The following AHNAK variants were observed in gnomAD, a reference collection of about 807,000 sequenced individuals.
AHNAK encodes the protein AHNAK nucleoprotein, also known as neuroblast differentiation-associated protein AHNAK.
A neutral mutation model predicts 37.8 loss-of-function variants in AHNAK; 23 were observed. The ratio of observed to expected loss-of-function variants is 0.61; its 90% confidence interval spans 0.44 to 0.86. AHNAK has a LOEUF of 0.86. Ranked by LOEUF, AHNAK falls within the 40% of genes least tolerant of loss-of-function variation. The probability of loss-of-function intolerance (pLI) is 0.00; values close to 1 mark genes in which losing one functional copy is unlikely to be tolerated. For missense variants in AHNAK, 7,411 were observed against 7,319.4 expected (o/e 1.01, Z -0.46); for synonymous variants, 2,481 against 2,636.3 (o/e 0.94, Z 1.80).
At chr11:62,443,289 T>TTTTTTTTTTTG (rs1938351317) in intron 5 of AHNAK, among the ~76,000 whole-genome samples, 1 of 145,320 alleles carries the variant, frequency 6.9e-6, no homozygotes, top group Non-Finnish European at 1.5e-5. Flanking sequence ...TTTTTTTTTT[T>TTTTTTTTTTTG]GAGACAGAGT....
intron 5 of AHNAK, among the ~76,000 whole-genome samples, chr11:62,443,336 G>A (rs1039305087): frequency 1.2e-4 from 17 of 138,120 alleles, no homozygotes; most frequent in Admixed American, 4.1e-4. Flanking sequence ...GCAATGGTGC[G>A]ATCTCAGCTC....
rs1565221689 is a variant in AHNAK at position 62,517,052 on chromosome 11, A to G, written c.17365T>C (p.Phe5789Leu). 6.2e-7 allele frequency: 1 copy of G among 1,613,846 alleles called. No homozygotes were observed. The highest frequency in any genetic ancestry group is 2.2e-5 in the East Asian group (1 of 44,850). The change falls in exon 5 of 5, where the codon TTC becomes CTC. Residue 5789 changes from phenylalanine to leucine, a missense_variant. By Grantham distance (22) the Phe-to-Leu change is conservative. Transcript: ENST00000378024. ...RSNSFSDERE[F>L]SGPSTPTGTL... ...CCCGTCGGGGTGGAAGGTCCAGAGA[A>G]CTCTCTTTCATCACTGAATGAATTT...
rs374255609 is a variant in AHNAK at position 62,532,042 on chromosome 11, A to G, written c.2375T>C (p.Val792Ala). Residue 792 changes from valine to alanine, a missense_variant, in exon 5 of 5, where the codon GTG becomes GCG. Transcript: ENST00000378024. The stretch of plus-strand genomic sequence containing the variant: ...TTTCCCTTCTGGTTCCTCAATGCTC[A>G]CATCAGGAGCAGTAACATCTATCTT... ...GPKIDVTAPDVSIEEPEGKLK... is the reference protein window; with the variant it reads ...GPKIDVTAPDASIEEPEGKLK... 56 of 1,613,260 alleles carry G rather than the reference A, an allele frequency of 3.5e-5. No homozygotes were observed. Among genetic ancestry groups the G allele is most frequent in the Non-Finnish European group, 4.5e-5 (53 of 1,179,880 alleles).
At chr11:62,449,071 GATA>G (rs1256497550) in intron 5 of AHNAK, among the ~76,000 whole-genome samples, 2 of 151,716 alleles carry the variant, frequency 1.3e-5, no homozygotes, top group African/African-American at 2.4e-5. Context: ...CTGTCTCAAA[GATA>G]ATAATAATAA....
intron 5 of AHNAK, among the ~76,000 whole-genome samples, chr11:62,489,448 G>A (rs1401754757): frequency 6.6e-6 from 1 of 152,092 alleles, no homozygotes; most frequent in Non-Finnish European, 1.5e-5. Flanking sequence ...AAGGAGGGGA[G>A]TAACATGATT....
intron 5 of AHNAK, among the ~76,000 whole-genome samples, chr11:62,456,580 T>C (rs920764087): frequency 1.2e-4 from 18 of 152,008 alleles, no homozygotes; most frequent in African/African-American, 1.4e-4. Context: ...TGGTGGACAC[T>C]CCCTGGCCAG....
At chr11:62,465,544 C>T (rs1400083511) in intron 5 of AHNAK, among the ~76,000 whole-genome samples, 3 of 151,826 alleles carry the variant, frequency 2.0e-5, no homozygotes, top group Non-Finnish European at 4.4e-5. Flanking sequence ...ACCCAGGAGG[C>T]GGAGGTTGCA....
Position 62,522,412 on chromosome 11 carries a change from G to T in AHNAK, c.12005C>A (p.Ser4002Tyr). The T allele has an allele frequency of 3.7e-6, 6 of 1,614,100 alleles. No individual in the cohort carries two copies. Among genetic ancestry groups the T allele is most frequent in the Non-Finnish European group, 5.1e-6 (6 of 1,180,018 alleles). The change falls in exon 5 of 5, where the codon TCC becomes TAC. Residue 4002 changes from serine (S) to tyrosine (Y), a missense_variant. Physicochemically the swap from Ser to Tyr is moderately radical, Grantham distance 144. Coordinates refer to ENST00000378024, the MANE Select transcript of AHNAK (RefSeq NM_001620.3). ...CAGATGCAAATCAAAGTCAGGCATG[G>T]AGATCTTGGGGGCTTTGATGTTCAT... ...PEMNIKAPKI[S>Y]MPDFDLHLKG...
chr11:62,523,581 C>A lies in AHNAK; in HGVS notation c.10836G>T (p.Met3612Ile), dbSNP rs374262358. The A allele has an allele frequency of 1.5e-4, 247 of 1,614,144 alleles. 1 individual carries two copies. In the South Asian group the frequency reaches 2.6e-3, roughly 17 times the overall value. The part of the protein sequence containing the change: ...MPKVKMPKFS[M>I]PGFKGEGPEV... ...CAGGGCCTTCTCCTTTGAAGCCAGG[C>A]ATGCTGAACTTGGGCATTTTCACTT... The change falls in exon 5 of 5, where the codon ATG becomes ATT. Residue 3612 changes from methionine (M) to isoleucine (I), a missense_variant. Physicochemically the swap from Met to Ile is conservative, Grantham distance 10. Coordinates refer to ENST00000378024, the MANE Select transcript of AHNAK (RefSeq NM_001620.3).
Position 62,516,777 on chromosome 11 carries a change from C to T in AHNAK, c.17640G>A (p.Glu5880=), listed in dbSNP as rs764185252. Residue 5880 remains glutamate (E), a synonymous_variant, in exon 5 of 5, where the codon GAG becomes GAA. Transcript: ENST00000378024. Reference sequence around the variant, plus strand: ...TCTTTGTGGAAACTGACAGCTCCACCTCGGGAAGCTGGATGCCAACCTTAT... The same window carrying T: ...TCTTTGTGGAAACTGACAGCTCCACTTCGGGAAGCTGGATGCCAACCTTAT... ...SGNKVGIQLP[E]VELSVSTKKE 8 of 1,613,246 alleles carry T rather than the reference C, an allele frequency of 5.0e-6. No homozygotes were observed. The African/African-American group carries it at 6.7e-5, about 13-fold the overall frequency.
At position 62,529,361 on chromosome 11, in the gene AHNAK, C is replaced by A; in HGVS notation, c.5056G>T (p.Asp1686Tyr). ...PKVEGEMKVP[D>Y]VDIKGPKVDI... ...ACTTTGGGCCCTTTAATGTCAACAT[C>A]TGGCACTTTCATTTCACCTTCTACC... The change falls in exon 5 of 5, where the codon GAT becomes TAT. Residue 1686 changes from aspartate to tyrosine, a missense_variant. Physicochemically the swap from Asp to Tyr is radical, Grantham distance 160. Coordinates refer to ENST00000378024, the MANE Select transcript of AHNAK (RefSeq NM_001620.3). 2.5e-6 allele frequency: 4 copies of A among 1,614,086 alleles called. No homozygotes were observed. The highest frequency in any genetic ancestry group is 3.4e-6 in the Non-Finnish European group (4 of 1,180,012).
chr11:62,475,602 C>CCTTTT (rs1484963988), intron 5 of AHNAK, among the ~76,000 whole-genome samples: 1 of 118,054 alleles, frequency 8.5e-6, no homozygotes, highest in Non-Finnish European at 1.6e-5. Flanking sequence ...TTATGTTATA[C>CCTTTT]TTTTTTTTTT....
chr11:62,455,682 G>A (rs995573043), intron 5 of AHNAK, among the ~76,000 whole-genome samples: 1 of 151,822 alleles, frequency 6.6e-6, no homozygotes, highest in East Asian at 1.9e-4. Flanking sequence ...TCCAACCTGG[G>A]CAACAAGAGC....
Position 62,491,849 on chromosome 11 carries a change from T to G in AHNAK, c.343-18A>C, listed in dbSNP as rs374779964. On this transcript the variant is annotated intron_variant, in intron 4 of 5. Transcript: ENST00000257247. ...GGTGTGTTCTAACAAGGATAAAGAT[T>G]ATCACCAGGTCACTCATCAAATCAT... 7 of 1,596,652 alleles carry G rather than the reference T, an allele frequency of 4.4e-6. No homozygotes were observed. In the African/African-American group the frequency reaches 5.4e-5, roughly 12 times the overall value.
chr11:62,523,012 A>G lies in AHNAK; in HGVS notation c.11405T>C (p.Leu3802Pro). The change falls in exon 5 of 5, where the codon CTG becomes CCG. Residue 3802 changes from leucine (L) to proline (P), a missense_variant. By Grantham distance (98) the Leu-to-Pro change is moderately conservative. Coordinates refer to ENST00000378024, the MANE Select transcript of AHNAK (RefSeq NM_001620.3). ...GGGCATTTTCACCTTGGGCATCTTC[A>G]GGTGCCAGTCTGGGCCTTGAACATC... ...DVDVQGPDWH[L>P]KMPKVKMPKF... 4.3e-6 allele frequency: 7 copies of G among 1,614,072 alleles called. No individual in the cohort carries two copies. Among genetic ancestry groups the G allele is most frequent in the Non-Finnish European group, 5.9e-6 (7 of 1,180,020 alleles).
At chr11:62,543,705 G>A (rs891328496) in intron 1 of AHNAK, among the ~76,000 whole-genome samples, 8 of 152,226 alleles carry the variant, frequency 5.3e-5, no homozygotes, top group Non-Finnish European at 1.0e-4. Flanking sequence ...GAGTCCCACC[G>A]GATGGCCTGA....
chr11:62,438,431 C>T (rs1383263987), intron 5 of AHNAK, among the ~76,000 whole-genome samples: 3 of 152,224 alleles, frequency 2.0e-5, no homozygotes, highest in East Asian at 1.9e-4. Flanking sequence ...CCACCTGCCT[C>T]GGCCTCCCAC....
chr11:62,500,605 G>T (rs78129412), intron 4 of AHNAK, among the ~76,000 whole-genome samples: 4,817 of 152,244 alleles, frequency 0.032, 253 homozygotes, highest in African/African-American at 0.11. Context: ...AAATCCAAGT[G>T]GGTTTTAAAT....
rs1565194563 is a variant in AHNAK, at chr11:62,439,664, G to GTT, written c.443-5774_443-5773insAA. The stretch of plus-strand genomic sequence containing the variant: ...TTTGGTTTGTTTTGGATTTTTGTGT[G>GTT]ATTTTTTTTTTTTTTTTTTTTGAGA... On this transcript the variant is annotated intron_variant, in intron 5 of 5. Coordinates refer to the AHNAK transcript ENST00000257247. Among the ~76,000 whole-genome samples, 37 of 126,400 alleles carry GTT rather than the reference G, an allele frequency of 2.9e-4. 2 individuals are homozygous for GTT. Among genetic ancestry groups the GTT allele is most frequent in the South Asian group, 5.0e-4 (2 of 4,040 alleles). 82.9% of individuals were successfully genotyped at this position (126,400 alleles called of 152,430 possible). A position where few individuals can be genotyped will look rare whatever the true frequency, so the allele number is the denominator to read the frequency against.
Sources: allele counts gnomAD v4.1 joint callset (sites outside exome capture counted in the v4.1 genomes callset), GRCh38; gene constraint gnomAD v4.1.1; transcripts MANE v1.5; gene names NCBI Gene and HGNC (gene_info 2026-07-23, HGNC 2026-07-21).